RBFOX1: variants seen among roughly 807,000 people sequenced by gnomAD.
The protein encoded by RBFOX1 is RNA binding fox-1 homolog 1.
In RBFOX1, 8 loss-of-function variants were observed where a neutral mutation model predicts 57.7. The observed-to-expected ratio is 0.14, with a 90% CI of 0.08 to 0.25. RBFOX1 has a LOEUF of 0.25. Among genes scored for constraint, RBFOX1 ranks in the 10% least tolerant of loss-of-function variants. RBFOX1 has a pLI of 1.00. For synonymous variants in RBFOX1, 326 were observed against 222.4 expected, an observed-to-expected ratio of 1.47 and a Z score of -4.15; for missense variants, 611 against 548.5, an observed-to-expected ratio of 1.11 and a Z score of -1.14.
intron 4 of RBFOX1, among the ~76,000 whole-genome samples, chr16:7,099,896 C>T (rs1248096894): frequency 6.6e-6 from 1 of 152,036 alleles, no homozygotes; most frequent in Non-Finnish European, 1.5e-5. Context: ...GGAGAATAGA[C>T]TGTAAATGTT....
chr16:7,149,710 C>T (rs1401692907), intron 4 of RBFOX1, among the ~76,000 whole-genome samples: 1 of 152,036 alleles, frequency 6.6e-6, no homozygotes, highest in Non-Finnish European at 1.5e-5. Flanking sequence ...CCAGGCTTAT[C>T]CTCCTGTGGC....
chr16:7,025,197 A>C (rs1483390433), intron 3 of RBFOX1, among the ~76,000 whole-genome samples: 10 of 152,172 alleles, frequency 6.6e-5, no homozygotes, highest in Non-Finnish European at 1.5e-4. Flanking sequence ...ATGATATGCT[A>C]AACAAGGGGT....
intron 4 of RBFOX1, among the ~76,000 whole-genome samples, chr16:7,282,121 C>T (rs1424129416): frequency 6.6e-6 from 1 of 152,100 alleles, no homozygotes. Flanking sequence ...CTTCAGCCTC[C>T]CAGAGTGCTG....
chr16:6,971,718 T>C (rs1484279542), intron 3 of RBFOX1, among the ~76,000 whole-genome samples: 1 of 152,088 alleles, frequency 6.6e-6, no homozygotes, highest in African/African-American at 2.4e-5. Context: ...TTAGCAGACC[T>C]GTGGGAGTGT....
At chr16:6,807,534 A>G (rs1391692513) in intron 3 of RBFOX1, among the ~76,000 whole-genome samples, 3 of 151,932 alleles carry the variant, frequency 2.0e-5, no homozygotes, top group Admixed American at 6.6e-5. Flanking sequence ...GATGCATACT[A>G]TGGCGGAGTG....
chr16:6,407,019 T>C (rs9923381), intron 2 of RBFOX1, among the ~76,000 whole-genome samples: 32,060 of 152,146 alleles, frequency 0.21, 5,894 homozygotes, highest in African/African-American at 0.49. Context: ...ATAAACTCTT[T>C]TGAAAGAGGT....
chr16:6,773,017 T>A (rs1368032067), intron 3 of RBFOX1, among the ~76,000 whole-genome samples: 10 of 131,198 alleles, frequency 7.6e-5, no homozygotes, highest in Non-Finnish European at 9.6e-5. Flanking sequence ...TGTGTGTGTG[T>A]GATTGTATTT....
At chr16:7,281,416 C>T (rs1378673778) in intron 4 of RBFOX1, among the ~76,000 whole-genome samples, 1 of 152,006 alleles carries the variant, frequency 6.6e-6, no homozygotes, top group East Asian at 1.9e-4. Context: ...GTGCAAAACA[C>T]TTGCCTGCTT....
chr16:5,584,595 G>A (rs560299856), intron 2 of RBFOX1, among the ~76,000 whole-genome samples: 66 of 152,240 alleles, frequency 4.3e-4, no homozygotes, highest in African/African-American at 1.5e-3. Context: ...TTTCCCTTGC[G>A]TGGCAGCACA....
intron 3 of RBFOX1, among the ~76,000 whole-genome samples, chr16:6,760,274 C>T (rs2076421101): frequency 1.3e-5 from 2 of 152,120 alleles, no homozygotes; most frequent in African/African-American, 4.8e-5. Context: ...AAGGCAATTG[C>T]TTTAAAGGAT....
At chr16:6,166,458 G>C (rs2096918033) in intron 1 of RBFOX1, among the ~76,000 whole-genome samples, 1 of 152,016 alleles carries the variant, frequency 6.6e-6, no homozygotes, top group Non-Finnish European at 1.5e-5. Context: ...CTTTCTCTCT[G>C]ACTCTCTATT....
rs1567984462 is a variant in RBFOX1 at position 6,637,168 on chromosome 16, T to TAA, written c.-63-17434_-63-17433insAA. 3.1e-3 allele frequency among the ~76,000 whole-genome samples: 222 copies of TAA among 71,120 alleles called. 33 individuals are homozygous for TAA. Among genetic ancestry groups the TAA allele is most frequent in the African/African-American group, 0.013 (184 of 14,002 alleles). The allele number at this position is 71,120 out of a possible 152,430, so 46.7% of individuals were successfully genotyped here. A position where few individuals can be genotyped will look rare whatever the true frequency, so the allele number is the denominator to read the frequency against. ...ATAATATACAATATATATTATATATTATATATATTATATAATATACAATAT... is the reference window on the plus strand; with the variant it reads ...ATAATATACAATATATATTATATATTAAATATATATTATATAATATACAATAT... On this transcript the variant is annotated intron_variant, in intron 2 of 15. Transcript: ENST00000550418.
chr16:7,160,961 A>G (rs1269655299), intron 4 of RBFOX1, among the ~76,000 whole-genome samples: 5 of 152,174 alleles, frequency 3.3e-5, no homozygotes, highest in Non-Finnish European at 7.3e-5. Context: ...ATCAGCGACA[A>G]ACCTTCAATG....
At chr16:6,166,982 C>G (rs1455047293) in intron 1 of RBFOX1, among the ~76,000 whole-genome samples, 2 of 152,028 alleles carry the variant, frequency 1.3e-5, no homozygotes, top group Non-Finnish European at 2.9e-5. Context: ...ACTATATTGG[C>G]TAGGCTGGTC....
At chr16:7,459,147 G>A (rs1338347205) in intron 4 of RBFOX1, among the ~76,000 whole-genome samples, 1 of 152,098 alleles carries the variant, frequency 6.6e-6, no homozygotes, top group East Asian at 1.9e-4. Context: ...GATGAATGAC[G>A]GGTAGATGTA....
At chr16:5,784,143 C>T (rs942514787) in intron 3 of RBFOX1, among the ~76,000 whole-genome samples, 6 of 152,036 alleles carry the variant, frequency 3.9e-5, no homozygotes, top group African/African-American at 1.2e-4. Flanking sequence ...AGCAGGCAGC[C>T]GGGCGCGGTG....
At chr16:7,215,336 A>G (rs1473567394) in intron 4 of RBFOX1, among the ~76,000 whole-genome samples, 1 of 152,224 alleles carries the variant, frequency 6.6e-6, no homozygotes, top group Non-Finnish European at 1.5e-5. Context: ...TCAAAGTATT[A>G]TAAATCATTC....
chr16:7,061,805 A>T (rs2054376142), intron 4 of RBFOX1, among the ~76,000 whole-genome samples: 1 of 152,174 alleles, frequency 6.6e-6, no homozygotes, highest in Admixed American at 6.5e-5. Flanking sequence ...CTCAGCAAGG[A>T]CTTGTCTTCC....
intron 11 of RBFOX1, among the ~76,000 whole-genome samples, chr16:7,644,492 C>T (rs193173826): frequency 6.6e-6 from 1 of 152,192 alleles, no homozygotes; most frequent in African/African-American, 2.4e-5. Context: ...AACTCCATCA[C>T]CCCAGAGTTT....
Sources: gnomAD v4.1 joint callset for allele counts (sites outside exome capture counted in the v4.1 genomes callset) on GRCh38, gnomAD v4.1.1 for gene constraint, MANE v1.5 for transcripts, NCBI Gene and HGNC (gene_info 2026-07-23, HGNC 2026-07-21) for gene names.